The following UTP20 variants were observed in gnomAD, a reference collection of about 807,000 sequenced individuals.
UTP20 encodes UTP20 small subunit processome component, also known as small subunit processome component 20 homolog.
Under a neutral mutation model 329.5 loss-of-function variants are expected in UTP20, and 164 were observed. The observed-to-expected ratio is 0.50, with a 90% CI of 0.44 to 0.57. The LOEUF is 0.57. UTP20 is among the 20% of genes least tolerant of loss of function. UTP20 has a pLI of 0.00. For missense variants in UTP20, 3,055 were observed against 3,284.2 expected (o/e 0.93, Z 1.71); for synonymous variants, 1,151 against 1,159.3 (o/e 0.99, Z 0.14).
rs1555197152 is a variant in UTP20 at position 101,285,884 on chromosome 12, A to G, written c.326+3A>G. 11 of 1,612,096 alleles carry G rather than the reference A, an allele frequency of 6.8e-6. No homozygotes were observed. The highest frequency in any genetic ancestry group is 9.3e-6 in the Non-Finnish European group (11 of 1,179,424). ...TTTGCCTATCAACCCCTTTTGGAGT[A>G]AGTAGCATCTTGAGAGAAAGCTCAC... On this transcript the variant is annotated splice_donor_region_variant and intron_variant, in intron 4 of 61. Coordinates refer to ENST00000261637, the MANE Select transcript of UTP20 (RefSeq NM_014503.3).
intron 23 of UTP20, among the ~76,000 whole-genome samples, chr12:101,320,510 C>T (rs752958298): frequency 2.0e-4 from 30 of 151,144 alleles, no homozygotes; most frequent in Non-Finnish European, 4.1e-4. Flanking sequence ...GAGTCGAGAT[C>T]GTATCACTGC....
rs777291998 is a variant in UTP20, at chr12:101,291,847, G to A, written c.997G>A (p.Gly333Arg). 4 of 1,613,842 alleles carry A rather than the reference G, an allele frequency of 2.5e-6. No homozygotes were observed. The highest frequency in any genetic ancestry group is 1.1e-5 in the South Asian group (1 of 90,944). ...AACATACCTTATACTTGTAAAACAT[G>A]GAAGTGGGACAAAGATACCCACGCC... is the stretch of plus-strand genomic sequence containing the variant. The part of the protein sequence containing the change: ...LETYLILVKH[G>R]SGTKIPTPAD... Residue 333 changes from glycine (G) to arginine (R), a missense_variant, in exon 9 of 62, where the codon GGA becomes AGA. Physicochemically the swap from Gly to Arg is moderately radical, Grantham distance 125. Around this residue, in one of 3 missense-constraint regions of UTP20, gnomAD observed 2,445 missense variants for 2,575.5 expected, o/e 0.95. Transcript: ENST00000261637.
Position 101,343,093 on chromosome 12 carries a change from G to A in UTP20, c.4449G>A (p.Glu1483=), listed in dbSNP as rs1342855511. 1.3e-6 allele frequency: 2 copies of A among 1,594,276 alleles called. No individual in the cohort carries two copies. The highest frequency in any genetic ancestry group is 2.2e-5 in the East Asian group (1 of 44,598). ...PVMHNCFYNL[E]LGDMSLSDNA... ...TGCATAATTGTTTCTATAATCTAGA[G>A]GTAGGTTATTATAGCAAAATTTTTA... The change falls in exon 35 of 62, where the codon GAG becomes GAA. Residue 1483 remains glutamate (E), a splice_region_variant and synonymous_variant. Coordinates refer to ENST00000261637, the MANE Select transcript of UTP20 (RefSeq NM_014503.3).
intron 16 of UTP20, among the ~76,000 whole-genome samples, chr12:101,306,350 G>T (rs1872641110): frequency 6.6e-6 from 1 of 151,952 alleles, no homozygotes; most frequent in African/African-American, 2.4e-5. Flanking sequence ...CTTCTAGGTG[G>T]TTCTCCTGCT....
chr12:101,336,987 A>T (rs1229572977), intron 29 of UTP20, among the ~76,000 whole-genome samples: 1 of 152,238 alleles, frequency 6.6e-6, no homozygotes, highest in African/African-American at 2.4e-5. Flanking sequence ...TTCTGCTAGA[A>T]AAATTTTAAG....
At chr12:101,345,512 C>T in intron 36 of UTP20, 42 bp from the exon 37 acceptor site, 1 of 1,272,972 alleles carries the variant, frequency 7.9e-7, no homozygotes, top group Non-Finnish European at 1.1e-6. Flanking sequence ...GAAACAAATT[C>T]TTTTTAAAAT....
At chr12:101,333,535 C>A in intron 28 of UTP20, 91 bp downstream of exon 28, 1 of 1,472,744 alleles carries the variant, frequency 6.8e-7, no homozygotes, top group Non-Finnish European at 9.1e-7. Flanking sequence ...GACATGAATG[C>A]TTACCTGGGT....
rs780222059 is a variant in UTP20 at position 101,317,609 on chromosome 12, C to T, written c.2684C>T (p.Ala895Val). 8.1e-6 allele frequency: 13 copies of T among 1,614,032 alleles called. No homozygotes were observed. Among genetic ancestry groups the T allele is most frequent in the Non-Finnish European group, 1.1e-5 (13 of 1,180,000 alleles). Residue 895 changes from alanine (A) to valine (V), a missense_variant, in exon 22 of 62, where the codon GCA becomes GTA. Coordinates refer to ENST00000261637, the MANE Select transcript of UTP20 (RefSeq NM_014503.3). ...AGDDEELEEE[A>V]VPQDESSQKK... ...GATGATGAAGAGTTGGAGGAAGAGG[C>T]AGTGCCCCAAGATGAATCCTCACAG...
In UTP20 at chr12:101,385,524, G is replaced by A. The variant is rs34569497; in HGVS notation, c.8057-59G>A. Reference sequence around the variant, plus strand: ...TGTTGTACATATTGTTGATTTTGTTGATGTTCAAATGTGTCCTTTCCTACC... The same window carrying A: ...TGTTGTACATATTGTTGATTTTGTTAATGTTCAAATGTGTCCTTTCCTACC... On this transcript the variant is annotated intron_variant, in intron 60 of 61. Transcript: ENST00000261637. 4.8e-3 allele frequency: 7,320 copies of A among 1,539,936 alleles called. 26 individuals carry two copies. The highest frequency in any genetic ancestry group is 6.0e-3 in the Non-Finnish European group (6,850 of 1,143,072).
At chr12:101,317,725 T>A in intron 22 of UTP20, 62 bp downstream of exon 22, 1 of 1,472,632 alleles carries the variant, frequency 6.8e-7, no homozygotes, top group Non-Finnish European at 9.1e-7. Flanking sequence ...GGAAGAGGTC[T>A]CTTACGGCTT....
chr12:101,354,509 C>T (rs1370808820), intron 40 of UTP20, among the ~76,000 whole-genome samples: 5 of 152,130 alleles, frequency 3.3e-5, no homozygotes, highest in Admixed American at 1.3e-4. Context: ...TTTTCATGCT[C>T]ATGAAGGGAG....
rs200601432 is a variant in UTP20 at position 101,373,545 on chromosome 12, A to G, written c.6949-40A>G. On this transcript the variant is annotated intron_variant, in intron 53 of 61. Coordinates refer to ENST00000261637, the MANE Select transcript of UTP20 (RefSeq NM_014503.3). ...CCCCTTTGCTAGAGCATCTGTAGGAATTCCACTCTGAGTGCTCACACGTGC... is the reference window on the plus strand; with the variant it reads ...CCCCTTTGCTAGAGCATCTGTAGGAGTTCCACTCTGAGTGCTCACACGTGC... 1.9e-4 allele frequency: 301 copies of G among 1,612,606 alleles called. No homozygotes were observed. The East Asian group carries it at 2.6e-3, about 14-fold the overall frequency.
intron 5 of UTP20, among the ~76,000 whole-genome samples, chr12:101,286,718 C>A (rs1407727505): frequency 6.6e-6 from 1 of 151,906 alleles, no homozygotes; most frequent in Non-Finnish European, 1.5e-5. Context: ...TATACCCACC[C>A]AAGAAGGCCT....
rs1226333526 is a variant in UTP20, at chr12:101,329,364, T to A, written c.3332T>A (p.Leu1111Gln). The change falls in exon 27 of 62, where the codon CTG becomes CAG. Residue 1111 changes from leucine to glutamine, a missense_variant. Leu to Gln is a moderately radical substitution (Grantham distance 113). This residue lies in a region of UTP20 where 2,445 missense variants were observed against 2,575.5 expected (regional missense o/e 0.95). Transcript: ENST00000261637. ...ATAGTATTGAAAAACATTAGTCATC[T>A]GATCAGCGCATACCTGCCGAAGATT... ...LEIVLKNISHLISAYLPKILQ... is the reference protein window; with the variant it reads ...LEIVLKNISHQISAYLPKILQ... 2 of 1,614,174 alleles carry A rather than the reference T, an allele frequency of 1.2e-6. No homozygotes were observed. The highest frequency in any genetic ancestry group is 2.2e-5 in the South Asian group (2 of 91,076).
chr12:101,289,375 TCA>T (rs140788608), intron 6 of UTP20, among the ~76,000 whole-genome samples: 4 of 149,674 alleles, frequency 2.7e-5, no homozygotes, highest in Admixed American at 6.6e-5. Context: ...AGACTCCATA[TCA>T]CACACACACA....
intron 44 of UTP20, among the ~76,000 whole-genome samples, 182 bp downstream of exon 44, chr12:101,362,242 C>T (rs1462788527): frequency 1.3e-5 from 2 of 152,078 alleles, no homozygotes; most frequent in African/African-American, 4.8e-5. Flanking sequence ...TCTGTCACTG[C>T]AAGGAGGTCA....
chr12:101,379,696 A>G, intron 57 of UTP20, 138 bp downstream of exon 57: 2 of 919,288 alleles, frequency 2.2e-6, no homozygotes, highest in Non-Finnish European at 3.2e-6. Context: ...CAATAGGAAT[A>G]TTAGTCACTG....
intron 47 of UTP20, among the ~76,000 whole-genome samples, chr12:101,367,436 A>G (rs1870133792): frequency 6.6e-6 from 1 of 151,828 alleles, no homozygotes; most frequent in African/African-American, 2.4e-5. Context: ...AAGTCACCAT[A>G]CTCTTTCCTG....
chr12:101,364,411 G>C (rs916683597), intron 45 of UTP20, among the ~76,000 whole-genome samples: 1 of 152,134 alleles, frequency 6.6e-6, no homozygotes, highest in African/African-American at 2.4e-5. Flanking sequence ...CTCCTAATCT[G>C]CACACCCTGT....
Sources: allele counts gnomAD v4.1 joint callset (sites outside exome capture counted in the v4.1 genomes callset), GRCh38; gene constraint gnomAD v4.1.1; regional missense constraint gnomAD v4.1.1; transcripts MANE v1.5; gene names NCBI Gene and HGNC (gene_info 2026-07-23, HGNC 2026-07-21).